Variants in LDLRAD3 observed in about 807,000 individuals in gnomAD.
The protein encoded by LDLRAD3 is low-density lipoprotein receptor class A domain-containing protein 3.
In LDLRAD3, 20 loss-of-function variants were observed where a neutral mutation model predicts 29.4. The ratio of observed to expected loss-of-function variants is 0.68; its 90% CI spans 0.48 to 0.99. The LOEUF is 0.99. LDLRAD3 is among the 50% of genes least tolerant of loss of function. LDLRAD3 has a pLI of 0.00. For missense variants in LDLRAD3, 420 were observed against 454.3 expected (o/e 0.92, Z 0.69); for synonymous variants, 157 against 192.7 (o/e 0.81, Z 1.53).
At chr11:36,024,277 CTG>C (rs1181021563) in intron 1 of LDLRAD3, among the ~76,000 whole-genome samples, 1 of 152,170 alleles carries the variant, frequency 6.6e-6, no homozygotes, top group Non-Finnish European at 1.5e-5. Flanking sequence ...CTTTATCCTT[CTG>C]TCTCTTGTAT....
chr11:36,076,562 A>T (rs575745728), intron 2 of LDLRAD3, among the ~76,000 whole-genome samples: 2 of 151,868 alleles, frequency 1.3e-5, no homozygotes, highest in South Asian at 2.1e-4. Flanking sequence ...ATTTTTTTGT[A>T]TATGTAGTAG....
At chr11:36,073,303 C>T (rs932392301) in intron 2 of LDLRAD3, among the ~76,000 whole-genome samples, 1 of 152,180 alleles carries the variant, frequency 6.6e-6, no homozygotes, top group African/African-American at 2.4e-5. Context: ...TGAAAGCTGC[C>T]GCTTTGAAAA....
chr11:35,968,847 C>G (rs1286921682), intron 1 of LDLRAD3, among the ~76,000 whole-genome samples: 1 of 152,212 alleles, frequency 6.6e-6, no homozygotes, highest in Non-Finnish European at 1.5e-5. Context: ...TTTCACAACT[C>G]TAGCCTGCCT....
intron 4 of LDLRAD3, among the ~76,000 whole-genome samples, chr11:36,162,761 T>A (rs1256301449): frequency 6.6e-6 from 1 of 152,218 alleles, no homozygotes; most frequent in South Asian, 2.1e-4. Context: ...CAGTGAATGC[T>A]TGATTTGCAA....
chr11:36,212,798 C>G (rs1163112961), intron 4 of LDLRAD3, among the ~76,000 whole-genome samples: 3 of 152,070 alleles, frequency 2.0e-5, no homozygotes, highest in Non-Finnish European at 4.4e-5. Context: ...AAGAAACTCT[C>G]TGGGGTGAAC....
chr11:36,071,610 G>C (rs1852904746), intron 2 of LDLRAD3, among the ~76,000 whole-genome samples: 1 of 152,200 alleles, frequency 6.6e-6, no homozygotes, highest in Non-Finnish European at 1.5e-5. Flanking sequence ...GCAAAAACAG[G>C]TTTCAGGATA....
chr11:35,959,060 G>A (rs1178545947), intron 1 of LDLRAD3, among the ~76,000 whole-genome samples: 1 of 152,194 alleles, frequency 6.6e-6, no homozygotes, highest in Non-Finnish European at 1.5e-5. Context: ...CGGTACCATA[G>A]TGATCCCTGT....
At chr11:35,957,994 C>T (rs1851226806) in intron 1 of LDLRAD3, among the ~76,000 whole-genome samples, 2 of 152,028 alleles carry the variant, frequency 1.3e-5, no homozygotes, top group Non-Finnish European at 2.9e-5. Context: ...ATGAGGATAC[C>T]TGTGTTTGTG....
chr11:36,150,249 C>T (rs535968627), intron 4 of LDLRAD3, among the ~76,000 whole-genome samples: 1 of 152,164 alleles, frequency 6.6e-6, no homozygotes, highest in East Asian at 1.9e-4. Context: ...CTGTTGAAGG[C>T]AGGCACAGTG....
Position 35,944,089 on chromosome 11 carries a change from C to T in LDLRAD3, c.-10C>T, listed in dbSNP as rs1851022166. On this transcript the variant is annotated 5_prime_UTR_variant, in exon 1 of 6. Transcript: ENST00000315571. This position sits in a 1 kb window ranked among gnomAD's most constrained non-coding sequence, Gnocchi z 4.9. ...CAACGACGCCGGGCAGCGGGAGCGG[C>T]GGCCGCGCCATGTGGCTGCTGGGGC... 2.8e-6 allele frequency: 3 copies of T among 1,074,740 alleles called. No individual in the cohort carries two copies. The African/African-American group carries it at 5.1e-5, about 18-fold the overall frequency. 66.6% of individuals were successfully genotyped at this position (1,074,740 alleles called of 1,614,324 possible).
At chr11:36,034,034 C>G (rs1392712751) in intron 1 of LDLRAD3, among the ~76,000 whole-genome samples, 2 of 152,178 alleles carry the variant, frequency 1.3e-5, no homozygotes, top group Admixed American at 6.5e-5. Flanking sequence ...GCTACGTCTT[C>G]CTGCACAGAG....
At chr11:35,988,723 A>G (rs1428168141) in intron 1 of LDLRAD3, 1 of 152,108 alleles carries the variant, frequency 6.6e-6, no homozygotes, top group Non-Finnish European at 1.5e-5. Flanking sequence ...AGCTGGCTCT[A>G]CAGGCACATG....
chr11:36,101,691 C>A (rs1219668994), intron 4 of LDLRAD3, among the ~76,000 whole-genome samples: 3 of 152,066 alleles, frequency 2.0e-5, no homozygotes, highest in Non-Finnish European at 4.4e-5. Context: ...GGTGTGTTTT[C>A]TTGCATCATG....
chr11:36,044,500 C>A (rs1436008261), intron 2 of LDLRAD3, among the ~76,000 whole-genome samples: 1 of 152,170 alleles, frequency 6.6e-6, no homozygotes, highest in African/African-American at 2.4e-5. Flanking sequence ...TATTACTCCC[C>A]TGTTCCCAAC....
chr11:36,059,443 G>C (rs909221365), intron 2 of LDLRAD3, among the ~76,000 whole-genome samples: 1 of 151,646 alleles, frequency 6.6e-6, no homozygotes, highest in Non-Finnish European at 1.5e-5. Flanking sequence ...CCTTAGCCAG[G>C]CTGAAGAAGC....
intron 4 of LDLRAD3, among the ~76,000 whole-genome samples, chr11:36,188,326 T>C (rs1854885558): frequency 1.7e-5 from 2 of 120,122 alleles, no homozygotes; most frequent in Non-Finnish European, 3.4e-5. Flanking sequence ...AATGGTTTTT[T>C]AAAGGGTAAA....
rs527932457 is a variant in LDLRAD3, at chr11:36,079,042, G to A, written c.194-2611G>A. Among the ~76,000 whole-genome samples the A allele has an allele frequency of 3.9e-5, 6 of 152,268 alleles. No individual in the cohort carries two copies. In the South Asian group the frequency reaches 1.2e-3, roughly 32 times the overall value. On this transcript the variant is annotated intron_variant, in intron 2 of 5. Coordinates refer to ENST00000315571, the MANE Select transcript of LDLRAD3 (RefSeq NM_174902.4). Reference sequence around the variant, plus strand: ...TCCTACCAGGCCGTGTGAGGGTGGGGTTTTTGGCTCCCTCAGGGACGCAGG... The same window carrying A: ...TCCTACCAGGCCGTGTGAGGGTGGGATTTTTGGCTCCCTCAGGGACGCAGG...
intron 4 of LDLRAD3, among the ~76,000 whole-genome samples, chr11:36,195,608 TA>T (rs1782626469): frequency 6.6e-6 from 1 of 152,200 alleles, no homozygotes; most frequent in Admixed American, 6.5e-5. Context: ...AAAGGACTCA[TA>T]ATTCTAAAAG....
At chr11:35,956,960 C>T in intron 1 of LDLRAD3, among the ~76,000 whole-genome samples, 1 of 152,214 alleles carries the variant, frequency 6.6e-6, no homozygotes, top group African/African-American at 2.4e-5. Context: ...TGATCTCGAT[C>T]TCCTGACCTC....
Sources: gnomAD v4.1 joint callset for allele counts (sites outside exome capture counted in the v4.1 genomes callset) on GRCh38, gnomAD v4.1.1 for gene constraint, Gnocchi (gnomAD v3.1) non-coding constraint, MANE v1.5 for transcripts, NCBI Gene and HGNC (gene_info 2026-07-23, HGNC 2026-07-21) for gene names.